IGF2R: variants seen among roughly 807,000 people sequenced by gnomAD.
IGF2R encodes the protein cation-independent mannose-6-phosphate receptor.
In IGF2R, 91 loss-of-function variants were observed where a neutral mutation model predicts 270.6. The observed-to-expected ratio is 0.34, with a 90% CI of 0.28 to 0.40. The LOEUF is 0.40. Ranked by LOEUF, IGF2R falls within the 10% of genes least tolerant of loss-of-function variation. The pLI, the probability that IGF2R is intolerant of heterozygous loss-of-function variation, is 1.00. For synonymous variants in IGF2R, 1,316 were observed against 1,258.9 expected, an observed-to-expected ratio of 1.05 and a Z score of -0.96; for missense variants, 2,805 against 3,188.3, an observed-to-expected ratio of 0.88 and a Z score of 2.90.
intron 4 of IGF2R, among the ~76,000 whole-genome samples, chr6:160,021,622 G>GA (rs1031229751): frequency 3.7e-4 from 53 of 142,612 alleles, no homozygotes; most frequent in African/African-American, 1.1e-3. Context: ...AAAAGTTTAG[G>GA]AAAAAAAAAA....
At chr6:159,995,895 CTTTT>C (rs35974914) in intron 2 of IGF2R, among the ~76,000 whole-genome samples, 3 of 98,768 alleles carry the variant, frequency 3.0e-5, no homozygotes, top group East Asian at 2.7e-4. Flanking sequence ...TTGCAGCGCT[CTTTT>C]TTTTTTTTTT....
chr6:160,091,571 G>T lies in IGF2R; in HGVS notation c.6655+1468G>T, dbSNP rs982307699. Among the ~76,000 whole-genome samples, 4 of 152,230 alleles carry T rather than the reference G, an allele frequency of 2.6e-5. No homozygotes were observed. The East Asian group carries it at 7.7e-4, about 29-fold the overall frequency. On this transcript the variant is annotated intron_variant, in intron 44 of 47. Coordinates refer to ENST00000356956, the MANE Select transcript of IGF2R (RefSeq NM_000876.4). ...AAAGTGAATGTTCTGCTTTCTGGGTGAGTTGATGATGGGAAAGTTGATCAG... is the reference window on the plus strand; with the variant it reads ...AAAGTGAATGTTCTGCTTTCTGGGTTAGTTGATGATGGGAAAGTTGATCAG...
chr6:160,077,327 G>C (rs373857958), intron 36 of IGF2R, among the ~76,000 whole-genome samples: 100 of 152,232 alleles, frequency 6.6e-4, no homozygotes, highest in African/African-American at 2.0e-3. Context: ...TTTGCCTTGC[G>C]GGGGGCTTCT....
Position 160,010,546 on chromosome 6 carries a change from T to A in IGF2R, c.415-141T>A, listed in dbSNP as rs17847645. The A allele has an allele frequency of 2.2e-4, 129 of 573,418 alleles. No individual in the cohort carries two copies. The East Asian group carries it at 3.5e-3, about 16-fold the overall frequency. The allele number at this position is 573,418 out of a possible 1,614,324, so 35.5% of individuals were successfully genotyped here. On this transcript the variant is annotated intron_variant, in intron 3 of 47. Transcript: ENST00000356956. ...ATTTGGGAACCTCTTGATGACCCCG[T>A]TTAACTAAAGCGGTTGCATCCCCTG...
intron 1 of IGF2R, among the ~76,000 whole-genome samples, chr6:159,983,111 G>T (rs1783830829): frequency 6.6e-6 from 1 of 152,210 alleles, no homozygotes; most frequent in Non-Finnish European, 1.5e-5. Context: ...AACTCACTCA[G>T]TGGAGATGGC....
intron 2 of IGF2R, among the ~76,000 whole-genome samples, chr6:160,008,163 T>C (rs1199822829): frequency 6.6e-6 from 1 of 152,238 alleles, no homozygotes; most frequent in Non-Finnish European, 1.5e-5. Context: ...ATGTGGCCCA[T>C]GGGCCACGGG....
At chr6:160,017,379 A>C (rs1340212797) in intron 4 of IGF2R, among the ~76,000 whole-genome samples, 1 of 152,248 alleles carries the variant, frequency 6.6e-6, no homozygotes, top group Admixed American at 6.5e-5. Context: ...TGAAACATCC[A>C]AACCTATAAA....
intron 2 of IGF2R, among the ~76,000 whole-genome samples, chr6:159,999,004 T>A (rs1302629568): frequency 6.6e-6 from 1 of 152,134 alleles, no homozygotes; most frequent in Non-Finnish European, 1.5e-5. Flanking sequence ...AGTGGGCAGG[T>A]CTGTGCAAAT....
chr6:160,020,423 A>AT (rs1397681860), intron 4 of IGF2R, among the ~76,000 whole-genome samples: 1 of 152,186 alleles, frequency 6.6e-6, no homozygotes, highest in Non-Finnish European at 1.5e-5. Flanking sequence ...TGCCAACGTC[A>AT]TTTTTTATGG....
At chr6:160,022,258 A>G (rs545694494) in intron 4 of IGF2R, among the ~76,000 whole-genome samples, 5 of 152,330 alleles carry the variant, frequency 3.3e-5, no homozygotes, top group African/African-American at 1.2e-4. Context: ...GTGGGAGGGC[A>G]GTGAGGGTTG....
At chr6:159,995,296 T>C (rs1784035698) in intron 2 of IGF2R, among the ~76,000 whole-genome samples, 1 of 151,606 alleles carries the variant, frequency 6.6e-6, no homozygotes, top group South Asian at 2.1e-4. Flanking sequence ...TATCTTTTCC[T>C]ACCTATTTAC....
intron 44 of IGF2R, among the ~76,000 whole-genome samples, chr6:160,090,548 C>G (rs1025024167): frequency 6.6e-6 from 1 of 152,200 alleles, no homozygotes; most frequent in African/African-American, 2.4e-5. Flanking sequence ...TCAACCAGGA[C>G]GCACATAGGG....
intron 39 of IGF2R, among the ~76,000 whole-genome samples, chr6:160,081,221 C>T (rs1447988394): frequency 6.6e-6 from 1 of 152,002 alleles, no homozygotes. Flanking sequence ...TTCTATTTCC[C>T]TAAGTGTTGG....
intron 34 of IGF2R, 121 bp downstream of exon 34, chr6:160,073,590 C>G (rs916660083): frequency 4.8e-6 from 6 of 1,237,672 alleles, no homozygotes; most frequent in Non-Finnish European, 5.6e-6. Flanking sequence ...TCCTGATCAC[C>G]CCAATAATAA....
At chr6:160,073,567 C>A in intron 34 of IGF2R, 98 bp downstream of exon 34, 2 of 1,386,892 alleles carry the variant, frequency 1.4e-6, no homozygotes, top group Non-Finnish European at 9.9e-7. Flanking sequence ...AGATGCCCAG[C>A]TGAACTGTCC....
intron 37 of IGF2R, 151 bp from the exon 38 acceptor site, chr6:160,079,429 C>T: frequency 4.1e-6 from 2 of 493,224 alleles, no homozygotes; most frequent in Middle Eastern, 5.6e-4. Context: ...AGCCTAGGGC[C>T]AAGGCGATTG....
intron 1 of IGF2R, among the ~76,000 whole-genome samples, chr6:159,983,349 A>G (rs1420246914): frequency 6.6e-6 from 1 of 152,192 alleles, no homozygotes; most frequent in Non-Finnish European, 1.5e-5. Flanking sequence ...TAATCTGCCA[A>G]CACCTTTCAG....
intron 7 of IGF2R, among the ~76,000 whole-genome samples, chr6:160,031,386 A>C (rs1361528422): frequency 6.6e-6 from 1 of 151,142 alleles, no homozygotes; most frequent in African/African-American, 2.4e-5. Flanking sequence ...GGTTATTAGT[A>C]TTTTTTTTTA....
intron 2 of IGF2R, among the ~76,000 whole-genome samples, chr6:160,000,783 C>G (rs529773116): frequency 7.1e-6 from 1 of 140,114 alleles, no homozygotes; most frequent in African/African-American, 2.7e-5. Context: ...TTGCCCAGGC[C>G]GGAGTGCAGT....
Sources: gnomAD v4.1 joint callset for allele counts (sites outside exome capture counted in the v4.1 genomes callset) on GRCh38, gnomAD v4.1.1 for gene constraint, MANE v1.5 for transcripts, NCBI Gene and HGNC (gene_info 2026-07-23, HGNC 2026-07-21) for gene names.